ZNF610: variants seen among roughly 807,000 people sequenced by gnomAD.
The protein encoded by ZNF610 is zink finger protein.
A neutral mutation model predicts 14.1 loss-of-function variants in ZNF610; 14 were observed. That is an observed-to-expected ratio of 0.99 (90% confidence interval 0.65 to 1.55). ZNF610 has a LOEUF of 1.55. ZNF610 is among the 40% of genes most tolerant of loss of function. The pLI, the probability that ZNF610 is intolerant of heterozygous loss-of-function variation, is 0.00. For missense variants in ZNF610, 530 were observed against 558.0 expected (o/e 0.95, Z 0.51); for synonymous variants, 185 against 187.6 (o/e 0.99, Z 0.11).
At chr19:52,333,992 C>G (rs1278282524), upstream of ZNF610, among the ~76,000 whole-genome samples, 2 of 152,072 alleles carry the variant, frequency 1.3e-5, no homozygotes, top group African/African-American at 4.8e-5. Flanking sequence ...GCCTTCAGCT[C>G]CCTGCAGAAA....
chr19:52,359,825 G>C (rs1329161341), intron 5 of ZNF610, among the ~76,000 whole-genome samples: 1 of 152,146 alleles, frequency 6.6e-6, no homozygotes, highest in Non-Finnish European at 1.5e-5. Flanking sequence ...TTACGAGTCT[G>C]GGCCTCTAGA....
At chr19:52,346,836 TCTC>T (rs1291284782) in intron 1 of ZNF610, among the ~76,000 whole-genome samples, 2 of 151,740 alleles carry the variant, frequency 1.3e-5, no homozygotes, top group African/African-American at 2.4e-5. Context: ...TTCAAGCAAT[TCTC>T]CTGCCTCGGC....
At chr19:52,360,600 AGTGT>A (rs1323555732) in intron 5 of ZNF610, among the ~76,000 whole-genome samples, 1 of 152,118 alleles carries the variant, frequency 6.6e-6, no homozygotes, top group African/African-American at 2.4e-5. Flanking sequence ...TAATGTGTAG[AGTGT>A]TTCTATCATC....
At chr19:52,346,879 G>A (rs1984986642) in intron 1 of ZNF610, among the ~76,000 whole-genome samples, 1 of 151,956 alleles carries the variant, frequency 6.6e-6, no homozygotes, top group Non-Finnish European at 1.5e-5. Context: ...ACAAGCCTGT[G>A]CCACCACTCC....
intron 3 of ZNF610, among the ~76,000 whole-genome samples, chr19:52,351,641 G>T (rs559576782): frequency 6.6e-6 from 1 of 152,174 alleles, no homozygotes; most frequent in South Asian, 2.1e-4. Flanking sequence ...TTCTGCTCAG[G>T]AGCTTCCCTT....
intron 5 of ZNF610, among the ~76,000 whole-genome samples, chr19:52,355,394 C>G (rs923839112): frequency 2.6e-5 from 4 of 152,206 alleles, no homozygotes; most frequent in Admixed American, 2.0e-4. Flanking sequence ...TCTGCCTGTT[C>G]AGGTCTATTT....
intron 3 of ZNF610, 117 bp from the exon 4 acceptor site, chr19:52,353,565 C>G: frequency 8.8e-7 from 1 of 1,131,546 alleles, no homozygotes; most frequent in South Asian, 1.4e-5. Flanking sequence ...ATTGAAGTTT[C>G]TATGTTTTTT....
chr19:52,352,093 T>C (rs535836165), intron 3 of ZNF610, among the ~76,000 whole-genome samples: 2 of 152,210 alleles, frequency 1.3e-5, no homozygotes, highest in Non-Finnish European at 2.9e-5. Context: ...CATTACTCTT[T>C]TAGTAGAGTT....
chr19:52,353,894 T>C, intron 4 of ZNF610, 86 bp downstream of exon 4: 1 of 1,500,850 alleles, frequency 6.7e-7, no homozygotes, highest in Non-Finnish European at 8.9e-7. Flanking sequence ...AGCCCCTAAA[T>C]TGCTTAACTG....
chr19:52,331,386 A>G (rs970207181), upstream of ZNF610, among the ~76,000 whole-genome samples: 1 of 152,176 alleles, frequency 6.6e-6, no homozygotes, highest in Non-Finnish European at 1.5e-5. Flanking sequence ...CCAGGTTATA[A>G]AAAACAAGAG....
At chr19:52,330,295 GATGCGCCTCTCAGAACAAA>G in the ZNF610 span, 1 of 152,022 alleles carries the variant, frequency 6.6e-6, no homozygotes, top group Admixed American at 6.6e-5. Flanking sequence ...TACCTTCACA[GATGCGCCTCTCAGAACAAA>G]ATAGAAAATA....
At chr19:52,362,495 C>G (rs1985832559) in intron 5 of ZNF610, among the ~76,000 whole-genome samples, 1 of 152,240 alleles carries the variant, frequency 6.6e-6, no homozygotes, top group African/African-American at 2.4e-5. Flanking sequence ...TTGAAGTACT[C>G]CTCATGCCTC....
At chr19:52,363,232 C>T (rs987678540) in intron 5 of ZNF610, among the ~76,000 whole-genome samples, 2 of 151,618 alleles carry the variant, frequency 1.3e-5, no homozygotes, top group South Asian at 2.1e-4. Context: ...CAGGTTCAAG[C>T]GATTCTTATG....
intron 3 of ZNF610, among the ~76,000 whole-genome samples, chr19:52,351,769 G>C (rs1985264532): frequency 6.6e-6 from 1 of 152,188 alleles, no homozygotes; most frequent in Non-Finnish European, 1.5e-5. Context: ...GTTCTCAGTG[G>C]CTTCCTGATC....
chr19:52,350,457 C>T (rs933225545), intron 3 of ZNF610, among the ~76,000 whole-genome samples: 3 of 152,160 alleles, frequency 2.0e-5, no homozygotes, highest in Non-Finnish European at 2.9e-5. Flanking sequence ...GCGGACAGAT[C>T]ACCTGAGGTC....
At position 52,365,709 on chromosome 19, in the gene ZNF610, GTA is replaced by G. The variant is rs754375226; in HGVS notation, c.333_334del (p.Leu112GlyfsTer10). ...TTCTTCTTTTCTAGGGAGGAGCTGT[GTA>G]TTGGGAAGCAATGCAGAAAACAAGC... ...VRSVNTGRSC[V>X]LGSNAENKPI... On this transcript the variant is annotated frameshift_variant, in exon 6 of 6. Transcript: ENST00000403906. LOFTEE classifies it low-confidence loss of function (END_TRUNC). 6.2e-7 allele frequency: 1 copy of G among 1,607,778 alleles called. No homozygotes were observed. Among genetic ancestry groups the G allele is most frequent in the Non-Finnish European group, 8.5e-7 (1 of 1,177,890 alleles).
upstream of ZNF610, among the ~76,000 whole-genome samples, chr19:52,332,405 A>G (rs974428635): frequency 2.6e-5 from 4 of 152,158 alleles, no homozygotes; most frequent in Admixed American, 1.3e-4. The surrounding 1 kb of genome is among the most constrained non-coding windows in gnomAD (Gnocchi z 4.1). Context: ...TTTAAAGTTG[A>G]TTCTTCAGTT....
At chr19:52,331,348 C>A (rs1171859928), upstream of ZNF610, among the ~76,000 whole-genome samples, 1 of 152,188 alleles carries the variant, frequency 6.6e-6, no homozygotes, top group Admixed American at 6.5e-5. Context: ...GACAGCCCTG[C>A]TACCTAACCA....
intron 3 of ZNF610, among the ~76,000 whole-genome samples, chr19:52,352,090 C>CTT (rs969360070): frequency 2.0e-5 from 3 of 152,156 alleles, no homozygotes; most frequent in African/African-American, 7.2e-5. Context: ...TGACATTACT[C>CTT]TTTTAGTAGA....
Sources: allele counts gnomAD v4.1 joint callset (sites outside exome capture counted in the v4.1 genomes callset), GRCh38; gene constraint gnomAD v4.1.1; non-coding constraint Gnocchi (gnomAD v3.1); transcripts MANE v1.5; gene names NCBI Gene and HGNC (gene_info 2026-07-23, HGNC 2026-07-21).